The following KDM2A variants were observed in gnomAD, a reference collection of about 807,000 sequenced individuals.
KDM2A encodes lysine demethylase 2A.
In KDM2A, 3 loss-of-function variants were observed where a neutral mutation model predicts 137.3. That is an observed-to-expected ratio of 0.02 (90% CI 0.01 to 0.06). The LOEUF (loss-of-function observed/expected upper bound fraction) is 0.06, where lower values mean the gene tolerates loss of function less well. Among genes scored for constraint, KDM2A ranks in the 10% least tolerant of loss-of-function variants. The pLI is 1.00. For synonymous variants in KDM2A, 512 were observed against 541.5 expected (o/e 0.95, Z 0.76); for missense variants, 738 against 1,510.6 (o/e 0.49, Z 8.48).
chr11:67,177,367 T>C (rs1425626889), intron 2 of KDM2A, among the ~76,000 whole-genome samples: 3 of 152,236 alleles, frequency 2.0e-5, no homozygotes, highest in Non-Finnish European at 2.9e-5. Flanking sequence ...TTTGTAATAA[T>C]ACTTAGCTTA....
intron 2 of KDM2A, among the ~76,000 whole-genome samples, chr11:67,154,768 A>G (rs1856476314): frequency 1.3e-5 from 2 of 152,136 alleles, no homozygotes; most frequent in Admixed American, 1.3e-4. Context: ...GAATCATACA[A>G]TATACTGTAT....
intron 2 of KDM2A, among the ~76,000 whole-genome samples, chr11:67,151,999 G>T (rs1278856146): frequency 2.0e-5 from 3 of 151,968 alleles, no homozygotes; most frequent in Non-Finnish European, 2.9e-5. Flanking sequence ...TGATTTACTG[G>T]GTTAAATAAA....
intron 2 of KDM2A, among the ~76,000 whole-genome samples, chr11:67,159,050 A>T (rs1450896309): frequency 7.2e-5 from 11 of 152,178 alleles, no homozygotes; most frequent in Non-Finnish European, 1.2e-4. Flanking sequence ...TATTTTTTTC[A>T]TGGATCATGC....
chr11:67,207,747 G>A (rs1272026216), intron 6 of KDM2A, 59 bp downstream of exon 6: 1 of 1,366,038 alleles, frequency 7.3e-7, no homozygotes, highest in Non-Finnish European at 9.9e-7. Context: ...TTTTCGGCTG[G>A]ACGTTGGTAA....
rs1857719279 is a variant in KDM2A, at chr11:67,203,785, A to G, written c.308-3725A>G. On this transcript the variant is annotated intron_variant, in intron 5 of 20. Coordinates refer to ENST00000529006, the MANE Select transcript of KDM2A (RefSeq NM_012308.3). ...AAAAAAGAATAAAATGCTTTCCTCT[A>G]CATTCTTTTTTTTTTTTTTCTTTTT... Among the ~76,000 whole-genome samples the G allele has an allele frequency of 4.7e-5, 7 of 150,144 alleles. No individual in the cohort carries two copies. The South Asian group carries it at 1.5e-3, about 31-fold the overall frequency.
rs778881235 is a variant in KDM2A, at chr11:67,254,204, T to C, written c.3093T>C (p.Gly1031=). 6.2e-7 allele frequency: 1 copy of C among 1,613,492 alleles called. No individual in the cohort carries two copies. The highest frequency in any genetic ancestry group is 8.5e-7 in the Non-Finnish European group (1 of 1,179,614). Residue 1031 remains glycine, a splice_region_variant and synonymous_variant, in exon 20 of 21, where the codon GGT becomes GGC. Transcript: ENST00000529006. The surrounding 1 kb of genome is among the most constrained non-coding windows in gnomAD (Gnocchi z 4.7). ...TAGGCTCTTCTCTTGCCTGTACAGGTCAGGACAATCGCAGCAAGCTCCGGA... is the reference window on the plus strand; with the variant it reads ...TAGGCTCTTCTCTTGCCTGTACAGGCCAGGACAATCGCAGCAAGCTCCGGA... ...DLLTPPADKP[G]QDNRSKLRNM... is the part of the protein sequence containing the mutation.
At chr11:67,208,717 G>GCTGA (rs1346281849) in intron 6 of KDM2A, among the ~76,000 whole-genome samples, 1 of 148,750 alleles carries the variant, frequency 6.7e-6, no homozygotes, top group Non-Finnish European at 1.5e-5. Context: ...GTTGCAGTGA[G>GCTGA]CTGAGATCAT....
At chr11:67,230,739 G>A (rs1392358061) in intron 11 of KDM2A, among the ~76,000 whole-genome samples, 2 of 151,948 alleles carry the variant, frequency 1.3e-5, no homozygotes, top group African/African-American at 2.4e-5. Flanking sequence ...TAGGATGGAG[G>A]GATAAGGGAT....
At chr11:67,225,160 C>T (rs911371415) in intron 10 of KDM2A, among the ~76,000 whole-genome samples, 16 of 152,084 alleles carry the variant, frequency 1.1e-4, no homozygotes, top group Non-Finnish European at 7.4e-5. Context: ...AACTTTGCCA[C>T]GAACTATCTC....
chr11:67,158,893 G>A (rs1036393156), intron 2 of KDM2A, among the ~76,000 whole-genome samples: 8 of 152,102 alleles, frequency 5.3e-5, no homozygotes, highest in Non-Finnish European at 7.4e-5. Flanking sequence ...TGTTTTAAAA[G>A]TTGATTGTAA....
chr11:67,191,339 T>G (rs1008203972), intron 5 of KDM2A, among the ~76,000 whole-genome samples: 3 of 152,130 alleles, frequency 2.0e-5, no homozygotes, highest in African/African-American at 7.2e-5. Flanking sequence ...GAACACTTCT[T>G]AAGTCTTTCT....
intron 6 of KDM2A, among the ~76,000 whole-genome samples, chr11:67,210,254 CAG>C (rs887025531): frequency 2.6e-5 from 4 of 151,460 alleles, no homozygotes; most frequent in African/African-American, 7.3e-5. Flanking sequence ...CCCAGCTACT[CAG>C]GGGGTTGAGG....
chr11:67,211,692 CAAAAACTTAATCTTCATTTCT>C (rs1399785120), intron 6 of KDM2A, among the ~76,000 whole-genome samples: 10 of 139,062 alleles, frequency 7.2e-5, no homozygotes, highest in African/African-American at 2.7e-4. Context: ...TTTTAATATT[CAAAAACTTAATCTTCATTTCT>C]AAAAACTTAA....
Position 67,190,959 on chromosome 11 carries a change from T to G in KDM2A, c.307+9067T>G, listed in dbSNP as rs1857337622. 2.0e-5 allele frequency among the ~76,000 whole-genome samples: 3 copies of G among 152,312 alleles called. No homozygotes were observed. The South Asian group carries it at 6.2e-4, about 32-fold the overall frequency. ...CGAAGAAAAGGCTGGGCCTGATGGC[T>G]TTGGTGGTGAATTCTACCAAACATT... On this transcript the variant is annotated intron_variant, in intron 5 of 20. Coordinates refer to ENST00000529006, the MANE Select transcript of KDM2A (RefSeq NM_012308.3).
chr11:67,203,811 T>A (rs1857722011), intron 5 of KDM2A, among the ~76,000 whole-genome samples: 1 of 151,780 alleles, frequency 6.6e-6, no homozygotes, highest in African/African-American at 2.4e-5. Flanking sequence ...TTTTCTTTTT[T>A]CTTTTTAAGA....
intron 1 of KDM2A, among the ~76,000 whole-genome samples, chr11:67,120,839 AC>A (rs1565365943): frequency 6.6e-6 from 1 of 151,590 alleles, no homozygotes; most frequent in African/African-American, 2.4e-5. Context: ...GTGAGAGAGA[AC>A]TAATTTGGTT....
chr11:67,252,099 G>T (rs919234167), intron 17 of KDM2A, among the ~76,000 whole-genome samples: 1 of 152,166 alleles, frequency 6.6e-6, no homozygotes, highest in Non-Finnish European at 1.5e-5. Flanking sequence ...GTCTGGCCTG[G>T]CTAGAAAATG....
chr11:67,242,976 C>T (rs1338604481), intron 12 of KDM2A, 33 bp from the exon 13 acceptor site: 5 of 1,583,486 alleles, frequency 3.2e-6, no homozygotes, highest in Admixed American at 3.3e-5. Flanking sequence ...TCACCCTGCC[C>T]TGATTTTTCC....
chr11:67,254,832 G>GT lies in KDM2A; in HGVS notation c.3308-41dup, dbSNP rs1411127001. Reference sequence around the variant, plus strand: ...AGGAATTGAATGGCAGAGGAAAGCTGTGTGTATGTGAGCACTGTCATTATG... The same window carrying GT: ...AGGAATTGAATGGCAGAGGAAAGCTGTTGTGTATGTGAGCACTGTCATTATG... On this transcript the variant is annotated intron_variant, in intron 20 of 20. Coordinates refer to ENST00000529006, the MANE Select transcript of KDM2A (RefSeq NM_012308.3). The surrounding 1 kb of genome is among the most constrained non-coding windows in gnomAD (Gnocchi z 4.7). 1 of 1,553,460 alleles carries GT rather than the reference G, an allele frequency of 6.4e-7. No individual in the cohort carries two copies. The highest frequency in any genetic ancestry group is 1.4e-5 in the African/African-American group (1 of 73,638).
Sources: gnomAD v4.1 joint callset for allele counts (sites outside exome capture counted in the v4.1 genomes callset) on GRCh38, gnomAD v4.1.1 for gene constraint, Gnocchi (gnomAD v3.1) non-coding constraint, MANE v1.5 for transcripts, NCBI Gene and HGNC (gene_info 2026-07-23, HGNC 2026-07-21) for gene names.